Variants in GLP1R observed in about 807,000 individuals in gnomAD.
GLP1R encodes the protein glucagon like peptide 1 receptor.
A neutral mutation model predicts 68.4 loss-of-function variants in GLP1R; 32 were observed. The observed-to-expected ratio is 0.47, with a 90% CI of 0.35 to 0.63. The LOEUF (loss-of-function observed/expected upper bound fraction) is 0.63, where lower values mean the gene tolerates loss of function less well. GLP1R is among the 20% of genes least tolerant of loss of function. GLP1R has a pLI of 0.00. For synonymous variants in GLP1R, 263 were observed against 244.4 expected, an observed-to-expected ratio of 1.08 and a Z score of -0.71; for missense variants, 502 against 594.9, an observed-to-expected ratio of 0.84 and a Z score of 1.62.
chr6:39,060,146 G>T (rs1768322964), intron 3 of GLP1R, among the ~76,000 whole-genome samples: 1 of 152,204 alleles, frequency 6.6e-6, no homozygotes, highest in Non-Finnish European at 1.5e-5. Context: ...CTGTCCTGGA[G>T]CTTTCCTTGG....
At position 39,048,805 on chromosome 6, in the gene GLP1R, A is replaced by C. The variant is rs750853315; in HGVS notation, c.-36A>C. ...GATCAGTCTCCGCACGCGGTTCCGC[A>C]GGTGGCAGCGATGGCCCAGTCCTGA... On this transcript the variant is annotated 5_prime_UTR_variant, in exon 1 of 13. Coordinates refer to ENST00000373256, the MANE Select transcript of GLP1R (RefSeq NM_002062.5). 9 of 1,031,750 alleles carry C rather than the reference A, an allele frequency of 8.7e-6. No individual in the cohort carries two copies. Among genetic ancestry groups the C allele is most frequent in the Non-Finnish European group, 1.3e-5 (9 of 702,696 alleles). 63.9% of individuals were successfully genotyped at this position (1,031,750 alleles called of 1,614,324 possible).
chr6:39,089,001 A>C lies in GLP1R; in HGVS notation c.*2928A>C, dbSNP rs1412290792. On this transcript the variant is annotated 3_prime_UTR_variant, in exon 13 of 13. Transcript: ENST00000373256. This position sits in a 1 kb window ranked among gnomAD's most constrained non-coding sequence, Gnocchi z 4.1. ...AGGTGAAAACTATAAATAGCTGTTC[A>C]AGATACTCTGAGTAAAAGTCAGTGG... Among the ~76,000 whole-genome samples the C allele has an allele frequency of 2.0e-5, 3 of 152,220 alleles. No individual in the cohort carries two copies. The highest frequency in any genetic ancestry group is 4.4e-5 in the Non-Finnish European group (3 of 68,046).
chr6:39,073,006 C>T lies in GLP1R; in HGVS notation c.654C>T (p.Leu218=), dbSNP rs746324577. 2.5e-6 allele frequency: 4 copies of T among 1,613,916 alleles called. No homozygotes were observed. The South Asian group carries it at 3.3e-5, about 13-fold the overall frequency. The part of the protein sequence containing the change: ...AAQQHQWDGL[L]SYQDSLSCRL... Reference sequence around the variant, plus strand: ...AGCAGCACCAGTGGGATGGGCTCCTCTCCTACCAGGTGTGTGGTGCATCCA... The same window carrying T: ...AGCAGCACCAGTGGGATGGGCTCCTTTCCTACCAGGTGTGTGGTGCATCCA... The change falls in exon 6 of 13, where the codon CTC becomes CTT. Residue 218 remains leucine, a synonymous_variant. Coordinates refer to ENST00000373256, the MANE Select transcript of GLP1R (RefSeq NM_002062.5).
In GLP1R at chr6:39,056,644, C is replaced by G. The variant is rs574300951; in HGVS notation, c.175+151C>G. The G allele has an allele frequency of 7.4e-6, 4 of 542,752 alleles. No homozygotes were observed. The African/African-American group carries it at 7.6e-5, about 10-fold the overall frequency. 33.6% of individuals were successfully genotyped at this position (542,752 alleles called of 1,614,324 possible). ...CCTTCATCTCATTGTCCAAGCTACT[C>G]CTTCACCTGGATACCTTCCTTTCTG... On this transcript the variant is annotated intron_variant, in intron 2 of 12. Coordinates refer to ENST00000373256, the MANE Select transcript of GLP1R (RefSeq NM_002062.5).
intron 5 of GLP1R, 83 bp from the exon 6 acceptor site, chr6:39,072,777 ATG>A: frequency 8.6e-7 from 1 of 1,163,980 alleles, no homozygotes; most frequent in Non-Finnish European, 1.3e-6. Context: ...AACATGCCTA[ATG>A]TGTGTGTTAG....
At position 39,073,720 on chromosome 6, in the gene GLP1R, G is replaced by C. The variant is rs200132876; in HGVS notation, c.774G>C (p.Ser258=). The C allele has an allele frequency of 4.3e-6, 7 of 1,613,868 alleles. No individual in the cohort carries two copies. Among genetic ancestry groups the C allele is most frequent in the South Asian group, 1.1e-5 (1 of 91,074 alleles). The change falls in exon 7 of 13, where the codon TCG becomes TCC. Residue 258 remains serine (S), a synonymous_variant. Coordinates refer to ENST00000373256, the MANE Select transcript of GLP1R (RefSeq NM_002062.5). ...ACCTGTACACACTGCTGGCCTTCTC[G>C]GTCTTATCTGAGCAATGGATCTTCA... ...GVYLYTLLAF[S]VLSEQWIFRL... is the part of the protein sequence containing the mutation.
intron 1 of GLP1R, among the ~76,000 whole-genome samples, chr6:39,053,899 C>T (rs928101081): frequency 1.3e-5 from 2 of 152,118 alleles, no homozygotes; most frequent in African/African-American, 4.8e-5. Context: ...TCTCTCCCTG[C>T]CCCAAAAAAT....
At chr6:39,056,225 C>G (rs527820767) in intron 1 of GLP1R, among the ~76,000 whole-genome samples, 172 bp from the exon 2 acceptor site, 4 of 152,310 alleles carry the variant, frequency 2.6e-5, no homozygotes, top group African/African-American at 9.6e-5. Flanking sequence ...CCACCTGGGG[C>G]CCCTGGGTGG....
At chr6:39,053,527 T>G (rs1381897487) in intron 1 of GLP1R, among the ~76,000 whole-genome samples, 1 of 152,214 alleles carries the variant, frequency 6.6e-6, no homozygotes, top group Admixed American at 6.5e-5. Flanking sequence ...TCCCTCCCAC[T>G]CTGCCCTTTC....
At chr6:39,055,973 AG>A (rs1392126596) in intron 1 of GLP1R, among the ~76,000 whole-genome samples, 1 of 152,154 alleles carries the variant, frequency 6.6e-6, no homozygotes, top group Non-Finnish European at 1.5e-5. Flanking sequence ...GTCTTCTTCT[AG>A]AATGGTTGAA....
chr6:39,050,628 C>G (rs1282236601), intron 1 of GLP1R, among the ~76,000 whole-genome samples: 4 of 152,156 alleles, frequency 2.6e-5, no homozygotes, highest in Non-Finnish European at 5.9e-5. Context: ...TCATGGGAAA[C>G]TGAGCTGCCA....
intron 6 of GLP1R, among the ~76,000 whole-genome samples, chr6:39,073,314 A>T (rs1012827088): frequency 6.6e-6 from 1 of 152,200 alleles, no homozygotes; most frequent in Non-Finnish European, 1.5e-5. Context: ...CAGCTCTGTC[A>T]CTTACTATCT....
At chr6:39,051,022 G>T in intron 1 of GLP1R, among the ~76,000 whole-genome samples, 1 of 152,096 alleles carries the variant, frequency 6.6e-6, no homozygotes, top group East Asian at 1.9e-4. Flanking sequence ...TGAAGAAGGT[G>T]CCCTAGGCTA....
rs763379822 is a variant in GLP1R, at chr6:39,086,207, A to C, written c.*134A>C. 4 of 635,512 alleles carry C rather than the reference A, an allele frequency of 6.3e-6. No homozygotes were observed. Among genetic ancestry groups the C allele is most frequent in the Admixed American group, 3.2e-5 (1 of 31,614 alleles). The allele number at this position is 635,512 out of a possible 1,614,324, so 39.4% of individuals were successfully genotyped here. A position where few individuals can be genotyped will look rare whatever the true frequency, so the allele number is the denominator to read the frequency against. On this transcript the variant is annotated 3_prime_UTR_variant, in exon 13 of 13. Coordinates refer to ENST00000373256, the MANE Select transcript of GLP1R (RefSeq NM_002062.5). This position sits in a 1 kb window ranked among gnomAD's most constrained non-coding sequence, Gnocchi z 4.5. ...CACACACACACACACACACACACAT[A>C]CATCCTGCTTTCCCTCCCCAAACCC...
chr6:39,055,083 G>C (rs1312944825), intron 1 of GLP1R, among the ~76,000 whole-genome samples: 1 of 152,180 alleles, frequency 6.6e-6, no homozygotes, highest in Non-Finnish European at 1.5e-5. Context: ...CTTAAAGTGA[G>C]CTGGGCCCTT....
At chr6:39,067,316 A>G (rs952727594) in intron 5 of GLP1R, among the ~76,000 whole-genome samples, 1 of 152,216 alleles carries the variant, frequency 6.6e-6, no homozygotes, top group Non-Finnish European at 1.5e-5. Flanking sequence ...ATAGCAAAAT[A>G]CCTTAGACTG....
chr6:39,063,897 T>TACACACAC (rs151053629), intron 3 of GLP1R, among the ~76,000 whole-genome samples: 1 of 142,054 alleles, frequency 7.0e-6, no homozygotes, highest in Non-Finnish European at 1.5e-5. Context: ...CCCCATCGTG[T>TACACACAC]ACACACACAC....
intron 1 of GLP1R, among the ~76,000 whole-genome samples, 194 bp from the exon 2 acceptor site, chr6:39,056,203 A>G (rs1357548989): frequency 2.0e-5 from 3 of 152,180 alleles, no homozygotes; most frequent in African/African-American, 7.2e-5. Context: ...AGGAATGAAG[A>G]TGTCAAACCA....
intron 3 of GLP1R, among the ~76,000 whole-genome samples, chr6:39,059,541 C>T (rs1176613336): frequency 1.3e-5 from 2 of 152,154 alleles, no homozygotes; most frequent in East Asian, 3.9e-4. Context: ...TGCTGACTAG[C>T]CGTGTAAGCA....
Sources: gnomAD v4.1 joint callset for allele counts (sites outside exome capture counted in the v4.1 genomes callset) on GRCh38, gnomAD v4.1.1 for gene constraint, Gnocchi (gnomAD v3.1) non-coding constraint, MANE v1.5 for transcripts, NCBI Gene and HGNC (gene_info 2026-07-23, HGNC 2026-07-21) for gene names.